Variants in NPSR1 observed in about 807,000 individuals in gnomAD.
NPSR1 encodes neuropeptide S receptor 1, also known as neuropeptide S receptor.
NPSR1 carries 48 observed loss-of-function variants against 46.9 expected under a neutral mutation model. The ratio of observed to expected loss-of-function variants is 1.02; its 90% confidence interval spans 0.81 to 1.30. The LOEUF is 1.30. Among genes scored for constraint, NPSR1 ranks in the 50% most tolerant of loss-of-function variants. NPSR1 has a pLI of 0.00. For synonymous variants in NPSR1, 176 were observed against 168.1 expected, an observed-to-expected ratio of 1.05 and a Z score of -0.36; for missense variants, 450 against 449.5, an observed-to-expected ratio of 1.00 and a Z score of -0.01.
Position 34,781,170 on chromosome 7 carries a change from G to T in NPSR1, c.384+2605G>T, listed in dbSNP as rs186921646. Among the ~76,000 whole-genome samples, 3 of 152,258 alleles carry T rather than the reference G, an allele frequency of 2.0e-5. No individual in the cohort carries two copies. The East Asian group carries it at 5.8e-4, about 29-fold the overall frequency. On this transcript the variant is annotated intron_variant, in intron 3 of 8. Transcript: ENST00000360581. ...AGGAAGTGAGGGCAAAGACAGAATT[G>T]TAAGTTGCCTGGCTAAGTGTCAAAA... is the stretch of plus-strand genomic sequence containing the variant.
intron 2 of NPSR1, among the ~76,000 whole-genome samples, chr7:34,770,135 A>G (rs931112599): frequency 6.6e-6 from 1 of 152,236 alleles, no homozygotes; most frequent in Non-Finnish European, 1.5e-5. Flanking sequence ...TGTTATTTAC[A>G]TAACCACTTA....
chr7:34,837,714 C>A (rs537337645), intron 6 of NPSR1, among the ~76,000 whole-genome samples: 2 of 152,146 alleles, frequency 1.3e-5, no homozygotes. Flanking sequence ...AACTGGTATT[C>A]AAATGCACAC....
At chr7:34,852,395 T>C (rs1246538075), downstream of NPSR1, among the ~76,000 whole-genome samples, 1 of 151,958 alleles carries the variant, frequency 6.6e-6, no homozygotes, top group Non-Finnish European at 1.5e-5. Flanking sequence ...CTTGTGACCT[T>C]GAACAAATCA....
At position 34,702,851 on chromosome 7, in the gene NPSR1, T is replaced by G. The variant is rs189626272; in HGVS notation, c.280+18167T>G. 1.7e-3 allele frequency among the ~76,000 whole-genome samples: 253 copies of G among 152,330 alleles called. 1 individual carries two copies. The highest frequency in any genetic ancestry group is 5.8e-3 in the African/African-American group (241 of 41,566). ...TGAATTGGCTAATGTCTTTTTTGGT[T>G]ACCCAAGTTAAAAGATGATGGAAAA... On this transcript the variant is annotated intron_variant, in intron 2 of 8. Coordinates refer to ENST00000360581, the MANE Select transcript of NPSR1 (RefSeq NM_207172.2).
intron 8 of NPSR1, among the ~76,000 whole-genome samples, chr7:34,868,719 T>C (rs1233339174): frequency 1.3e-5 from 2 of 151,660 alleles, no homozygotes; most frequent in African/African-American, 4.9e-5. Context: ...TCTTGGTCAC[T>C]CGTGTTTGCC....
At chr7:34,767,168 A>G (rs1786475641) in intron 2 of NPSR1, among the ~76,000 whole-genome samples, 1 of 152,198 alleles carries the variant, frequency 6.6e-6, no homozygotes, top group African/African-American at 2.4e-5. Flanking sequence ...ATAATTCTAT[A>G]GTTTAGTTAA....
At chr7:34,869,657 A>G (rs1791404458) in intron 8 of NPSR1, among the ~76,000 whole-genome samples, 1 of 151,778 alleles carries the variant, frequency 6.6e-6, no homozygotes, top group African/African-American at 2.4e-5. Context: ...CCATTCATTC[A>G]TTCATTTAAC....
chr7:34,869,132 G>C (rs1204899077), intron 8 of NPSR1, among the ~76,000 whole-genome samples: 1 of 151,778 alleles, frequency 6.6e-6, no homozygotes, highest in Non-Finnish European at 1.5e-5. Flanking sequence ...CAGAACGAAT[G>C]TCTACTCCAC....
chr7:34,843,832 C>T (rs1223205277), intron 6 of NPSR1, among the ~76,000 whole-genome samples: 1 of 152,232 alleles, frequency 6.6e-6, no homozygotes, highest in African/African-American at 2.4e-5. Context: ...CACAGCTGCC[C>T]TACTCCATGT....
At chr7:34,675,025 T>C (rs562789955) in intron 1 of NPSR1, among the ~76,000 whole-genome samples, 1 of 152,202 alleles carries the variant, frequency 6.6e-6, no homozygotes, top group Non-Finnish European at 1.5e-5. Flanking sequence ...GCATGGTCTT[T>C]CCAGTTAAGC....
At chr7:34,823,550 A>G (rs947480003) in intron 4 of NPSR1, among the ~76,000 whole-genome samples, 2 of 152,148 alleles carry the variant, frequency 1.3e-5, no homozygotes, top group Non-Finnish European at 2.9e-5. Context: ...TTATCCAACT[A>G]TTAGGAGAGT....
chr7:34,787,535 C>T (rs1787519888), intron 3 of NPSR1, among the ~76,000 whole-genome samples: 1 of 152,094 alleles, frequency 6.6e-6, no homozygotes, highest in South Asian at 2.1e-4. Flanking sequence ...CTAACTGGCC[C>T]AAAACTAAGC....
intron 1 of NPSR1, among the ~76,000 whole-genome samples, chr7:34,668,369 C>CT: frequency 6.6e-6 from 1 of 152,300 alleles, no homozygotes; most frequent in African/African-American, 2.4e-5. Flanking sequence ...TACATTTATT[C>CT]CTTTTCCAAT....
At chr7:34,672,506 G>C (rs1792109103) in intron 1 of NPSR1, among the ~76,000 whole-genome samples, 1 of 149,154 alleles carries the variant, frequency 6.7e-6, no homozygotes, top group African/African-American at 2.6e-5. Context: ...ATCGAAATGA[G>C]AACGTTTAGG....
intron 2 of NPSR1, among the ~76,000 whole-genome samples, chr7:34,693,873 T>C (rs1583823301): frequency 1.3e-5 from 2 of 152,170 alleles, no homozygotes; most frequent in African/African-American, 4.8e-5. Context: ...TCAATAGACA[T>C]GATTCACCAC....
intron 8 of NPSR1, among the ~76,000 whole-genome samples, chr7:34,870,225 A>C (rs1306625688): frequency 1.3e-5 from 2 of 151,918 alleles, no homozygotes; most frequent in East Asian, 3.9e-4. Flanking sequence ...TAGTCATGTG[A>C]CTGTCACCCC....
chr7:34,875,261 A>G (rs1383298702), intron 8 of NPSR1, among the ~76,000 whole-genome samples: 4 of 152,216 alleles, frequency 2.6e-5, no homozygotes, highest in African/African-American at 9.6e-5. Flanking sequence ...CTAGTAAAAA[A>G]CAGGGCCCTT....
intron 6 of NPSR1, among the ~76,000 whole-genome samples, chr7:34,838,333 T>G (rs1016866316): frequency 6.6e-5 from 10 of 152,252 alleles, no homozygotes; most frequent in South Asian, 2.1e-4. Context: ...CCGCCACTTT[T>G]TATTCTTTAA....
intron 2 of NPSR1, among the ~76,000 whole-genome samples, chr7:34,771,252 T>A (rs920780976): frequency 1.3e-5 from 2 of 152,054 alleles, no homozygotes; most frequent in Admixed American, 6.5e-5. Context: ...CTGGGCAACA[T>A]AGTGAGATCC....
Sources: gnomAD v4.1 joint callset for allele counts (sites outside exome capture counted in the v4.1 genomes callset) on GRCh38, gnomAD v4.1.1 for gene constraint, MANE v1.5 for transcripts, NCBI Gene and HGNC (gene_info 2026-07-23, HGNC 2026-07-21) for gene names.